The following WWC2 variants were observed in gnomAD, a reference collection of about 807,000 sequenced individuals.
The protein encoded by WWC2 is WW and C2 domain containing 2, also known as protein WWC2.
WWC2 carries 101 observed loss-of-function variants against 138.5 expected under a neutral mutation model. That is an observed-to-expected ratio of 0.73 (90% confidence interval 0.62 to 0.86). The LOEUF (loss-of-function observed/expected upper bound fraction) is 0.86. Ranked by LOEUF, WWC2 falls within the 40% of genes least tolerant of loss-of-function variation. The pLI, the probability that WWC2 is intolerant of heterozygous loss-of-function variation, is 0.00. For synonymous variants in WWC2, 558 were observed against 538.4 expected, an observed-to-expected ratio of 1.04 and a Z score of -0.50; for missense variants, 1,420 against 1,419.4, an observed-to-expected ratio of 1.00 and a Z score of -0.01.
At chr4:183,295,411 A>C (rs1486345382) in intron 21 of WWC2, among the ~76,000 whole-genome samples, 1 of 152,194 alleles carries the variant, frequency 6.6e-6, no homozygotes, top group Non-Finnish European at 1.5e-5. Context: ...CTTACTGGTG[A>C]ATAGATCAAT....
chr4:183,202,153 G>T (rs778999499), intron 2 of WWC2, among the ~76,000 whole-genome samples: 2 of 152,094 alleles, frequency 1.3e-5, no homozygotes, highest in Non-Finnish European at 2.9e-5. Flanking sequence ...GCAGACTCTG[G>T]GTTATGGGAA....
At chr4:183,267,143 C>T (rs1418616849) in intron 14 of WWC2, among the ~76,000 whole-genome samples, 1 of 151,860 alleles carries the variant, frequency 6.6e-6, no homozygotes, top group Admixed American at 6.6e-5. Flanking sequence ...AGGCGTGAGC[C>T]ACCGAGCCCA....
intron 9 of WWC2, among the ~76,000 whole-genome samples, chr4:183,255,877 C>CTTTTTTTTTTTTTT (rs551883972): frequency 1.4e-5 from 2 of 140,754 alleles, no homozygotes; most frequent in African/African-American, 5.3e-5. Flanking sequence ...GCTTTTTTTC[C>CTTTTTTTTTTTTTT]TTTTTTTTTT....
In WWC2 at chr4:183,305,239, A is replaced by G. The variant is rs557151424; in HGVS notation, c.3385-7102A>G. ...AAAGAGAAAAGAGACTGGAGAAAAA[A>G]AAAGGAACAGAACATCCAAGAACTG... On this transcript the variant is annotated intron_variant, in intron 21 of 22. Transcript: ENST00000403733. Among the ~76,000 whole-genome samples the G allele has an allele frequency of 7.9e-5, 12 of 152,340 alleles. No homozygotes were observed. In the South Asian group the frequency reaches 1.5e-3, roughly 18 times the overall value.
At chr4:183,298,569 CT>C (rs1738716075) in intron 21 of WWC2, among the ~76,000 whole-genome samples, 1 of 152,214 alleles carries the variant, frequency 6.6e-6, no homozygotes, top group Admixed American at 6.5e-5. Context: ...TCCCTCACAA[CT>C]TCTTTCTTCT....
At chr4:183,120,758 A>G (rs72691689) in intron 1 of WWC2, among the ~76,000 whole-genome samples, 3,721 of 152,286 alleles carry the variant, frequency 0.024, 73 homozygotes, top group Non-Finnish European at 0.037. Context: ...TGAACAATAA[A>G]ATACATTTAT....
chr4:183,296,327 G>A (rs984741184), intron 21 of WWC2, among the ~76,000 whole-genome samples: 1 of 152,176 alleles, frequency 6.6e-6, no homozygotes, highest in African/African-American at 2.4e-5. Context: ...AAAACTGGTC[G>A]CTTGGGCTCA....
In WWC2 at chr4:183,319,617, A is replaced by G. The variant is rs766023424; in HGVS notation, c.*3888A>G. 23 of 1,614,032 alleles carry G rather than the reference A, an allele frequency of 1.4e-5. No homozygotes were observed. In the Middle Eastern group the frequency reaches 5.0e-4, roughly 35 times the overall value. ...TTGATGATGATCTTGTGTTTGTGCC[A>G]CTGCGTAGTGGCCCGAAGCTAGGGG... On this transcript the variant is annotated 3_prime_UTR_variant, in exon 23 of 23. Coordinates refer to ENST00000403733, the MANE Select transcript of WWC2 (RefSeq NM_024949.6).
At chr4:183,109,485 G>A (rs529862803) in intron 1 of WWC2, among the ~76,000 whole-genome samples, 23 of 152,164 alleles carry the variant, frequency 1.5e-4, no homozygotes, top group African/African-American at 3.6e-4. Context: ...GAGGAGTTGC[G>A]AGGGATGGTT....
Position 183,319,504 on chromosome 4 carries a change from A to G in WWC2, c.*3775A>G, listed in dbSNP as rs1579085995. The G allele has an allele frequency of 1.3e-6, 2 of 1,517,314 alleles. No individual in the cohort carries two copies. The highest frequency in any genetic ancestry group is 4.5e-5 in the East Asian group (2 of 44,214). The allele number at this position is 1,517,314 out of a possible 1,614,324, so 94.0% of individuals were successfully genotyped here. A position where few individuals can be genotyped will look rare whatever the true frequency, so the allele number is the denominator to read the frequency against. ...TGACTAGAGCGGGACATCCTACCAA[A>G]TCCAGTGTTGAGCAAGCGTCTCCTG... On this transcript the variant is annotated 3_prime_UTR_variant, in exon 23 of 23. Coordinates refer to ENST00000403733, the MANE Select transcript of WWC2 (RefSeq NM_024949.6).
intron 1 of WWC2, among the ~76,000 whole-genome samples, chr4:183,156,269 G>A (rs1343323923): frequency 2.6e-5 from 4 of 151,232 alleles, no homozygotes; most frequent in Admixed American, 1.3e-4. Context: ...CTGGTGATCC[G>A]CCTACCTCAG....
rs552286353 is a variant in WWC2, at chr4:183,301,364, A to G, written c.3385-10977A>G. Among the ~76,000 whole-genome samples the G allele has an allele frequency of 2.0e-5, 3 of 152,334 alleles. No individual in the cohort carries two copies. The South Asian group carries it at 6.2e-4, about 32-fold the overall frequency. ...CAATTAAATTATCTCATCAATTACA[A>G]AGTAATCAAGAGAGAACTGTTACTT... On this transcript the variant is annotated intron_variant, in intron 21 of 22. Transcript: ENST00000403733.
intron 1 of WWC2, among the ~76,000 whole-genome samples, chr4:183,114,149 A>G (rs1023507607): frequency 6.6e-6 from 1 of 152,042 alleles, no homozygotes; most frequent in African/African-American, 2.4e-5. Flanking sequence ...TTCTTGCAGT[A>G]TCTGGTTGTT....
At chr4:183,133,152 CTTT>C (rs374079982) in intron 1 of WWC2, among the ~76,000 whole-genome samples, 8 of 59,190 alleles carry the variant, frequency 1.4e-4, no homozygotes, top group African/African-American at 3.2e-4. Context: ...TCTTTTTTTT[CTTT>C]TTTTTTTTTT....
chr4:183,133,852 A>G (rs1733025185), intron 1 of WWC2, among the ~76,000 whole-genome samples: 1 of 152,158 alleles, frequency 6.6e-6, no homozygotes, highest in Non-Finnish European at 1.5e-5. Flanking sequence ...GATGAAATGA[A>G]TTGAGAAACG....
At position 183,207,959 on chromosome 4, in the gene WWC2, C is replaced by G; in HGVS notation, c.248C>G (p.Thr83Arg). The G allele has an allele frequency of 1.9e-6, 3 of 1,606,896 alleles. No individual in the cohort carries two copies. In the South Asian group the frequency reaches 3.3e-5, roughly 18 times the overall value. ...CTCCACCTAATGTTTTCAGAAACCACGCAGATAGAAGATCCAAGAAAACAA... is the reference window on the plus strand; with the variant it reads ...CTCCACCTAATGTTTTCAGAAACCAGGCAGATAGAAGATCCAAGAAAACAA... The part of the protein sequence containing the change: ...VYYIDHINKT[T>R]QIEDPRKQWR... The change falls in exon 3 of 23, where the codon ACG becomes AGG. Residue 83 changes from threonine (T) to arginine (R), a missense_variant. Transcript: ENST00000403733.
At position 183,240,420 on chromosome 4, in the gene WWC2, A is replaced by G. The variant is rs1433485974; in HGVS notation, c.602+158A>G. ...CAAAAGAAAATAAAGCAATCAACCAACAGATAAAAAAACTTGGGAAAGATC... is the reference window on the plus strand; with the variant it reads ...CAAAAGAAAATAAAGCAATCAACCAGCAGATAAAAAAACTTGGGAAAGATC... On this transcript the variant is annotated intron_variant, in intron 5 of 22. Transcript: ENST00000403733. 4 of 517,332 alleles carry G rather than the reference A, an allele frequency of 7.7e-6. 1 individual carries two copies. Among genetic ancestry groups the G allele is most frequent in the South Asian group, 4.2e-5 (1 of 23,736 alleles). The allele number at this position is 517,332 out of a possible 1,614,324, so 32.0% of individuals were successfully genotyped here.
chr4:183,123,643 A>G lies in WWC2; in HGVS notation c.131+24021A>G, dbSNP rs550998069. 5.9e-5 allele frequency among the ~76,000 whole-genome samples: 9 copies of G among 152,214 alleles called. No individual in the cohort carries two copies. The South Asian group carries it at 1.9e-3, about 32-fold the overall frequency. On this transcript the variant is annotated intron_variant, in intron 1 of 22. Transcript: ENST00000403733. The stretch of plus-strand genomic sequence containing the variant: ...AATCTGAAGGCAAATATAGCATAAT[A>G]TCATTTCTTAAATCTTGGTGTTATA...
At chr4:183,314,597 A>G (rs999384239) in intron 22 of WWC2, among the ~76,000 whole-genome samples, 26 of 152,308 alleles carry the variant, frequency 1.7e-4, no homozygotes, top group African/African-American at 4.6e-4. Flanking sequence ...CAGGAGCCCG[A>G]TGGTCCCTGG....
Sources: gnomAD v4.1 joint callset for allele counts (sites outside exome capture counted in the v4.1 genomes callset) on GRCh38, gnomAD v4.1.1 for gene constraint, MANE v1.5 for transcripts, NCBI Gene and HGNC (gene_info 2026-07-23, HGNC 2026-07-21) for gene names.